The following RBFOX1 variants were observed in gnomAD, a reference collection of about 807,000 sequenced individuals.
RBFOX1 encodes the protein RNA binding fox-1 homolog 1, also known as RNA binding protein fox-1 homolog 1.
RBFOX1 carries 8 observed loss-of-function variants against 57.7 expected under a neutral mutation model. The observed-to-expected ratio is 0.14, with a 90% confidence interval of 0.08 to 0.25. The LOEUF is 0.25. Ranked by LOEUF, RBFOX1 falls within the 10% of genes least tolerant of loss-of-function variation. The pLI is 1.00. For synonymous variants in RBFOX1, 326 were observed against 222.4 expected, an observed-to-expected ratio of 1.47 and a Z score of -4.15; for missense variants, 611 against 548.5, an observed-to-expected ratio of 1.11 and a Z score of -1.14.
chr16:7,360,280 G>A (rs1442590485), intron 4 of RBFOX1, among the ~76,000 whole-genome samples: 1 of 152,064 alleles, frequency 6.6e-6, no homozygotes, highest in Non-Finnish European at 1.5e-5. Context: ...TCTTAGAATA[G>A]ACTCAAAATG....
chr16:7,662,352 A>G (rs2067980391), intron 12 of RBFOX1, among the ~76,000 whole-genome samples: 1 of 152,220 alleles, frequency 6.6e-6, no homozygotes. Flanking sequence ...CTCCATTGAC[A>G]ACAGCCACTG....
At chr16:6,515,170 C>T (rs563853440) in intron 2 of RBFOX1, among the ~76,000 whole-genome samples, 2 of 152,148 alleles carry the variant, frequency 1.3e-5, no homozygotes, top group African/African-American at 2.4e-5. Flanking sequence ...ATTTCATTTT[C>T]TCCTGTAATG....
chr16:6,426,751 G>A (rs532528520), intron 2 of RBFOX1, among the ~76,000 whole-genome samples: 21 of 152,182 alleles, frequency 1.4e-4, no homozygotes, highest in Admixed American at 2.6e-4. Context: ...TTTCAAAAGT[G>A]TCTCATCATC....
chr16:5,481,917 T>C (rs2069557706), intron 2 of RBFOX1, among the ~76,000 whole-genome samples: 1 of 152,158 alleles, frequency 6.6e-6, no homozygotes, highest in African/African-American at 2.4e-5. Context: ...CCTAATGACC[T>C]CATCTCACTT....
intron 7 of RBFOX1, among the ~76,000 whole-genome samples, chr16:7,593,165 T>C (rs899924208): frequency 3.3e-5 from 5 of 152,118 alleles, no homozygotes; most frequent in Non-Finnish European, 7.3e-5. Flanking sequence ...TGAGAGGTCA[T>C]GGAAATCAAA....
chr16:6,521,185 G>C (rs956421090), intron 2 of RBFOX1, among the ~76,000 whole-genome samples: 1 of 152,090 alleles, frequency 6.6e-6, no homozygotes, highest in Non-Finnish European at 1.5e-5. Flanking sequence ...ACCTAACAAT[G>C]GGTATTGCTT....
At chr16:6,445,291 A>T (rs2094461736) in intron 2 of RBFOX1, among the ~76,000 whole-genome samples, 1 of 152,080 alleles carries the variant, frequency 6.6e-6, no homozygotes, top group Admixed American at 6.6e-5. Flanking sequence ...CTCAACGTGC[A>T]GGTTTGTTAC....
chr16:5,905,215 G>T (rs1005683700), intron 4 of RBFOX1, among the ~76,000 whole-genome samples: 1 of 151,454 alleles, frequency 6.6e-6, no homozygotes, highest in African/African-American at 2.4e-5. Flanking sequence ...TTATAGGTGG[G>T]TGCCACCACA....
At position 6,676,410 on chromosome 16, in the gene RBFOX1, T is replaced by A. The variant is rs543079659; in HGVS notation, c.-16+21760T>A. On this transcript the variant is annotated intron_variant, in intron 3 of 15. Coordinates refer to ENST00000550418, the MANE Select transcript of RBFOX1 (RefSeq NM_018723.4). ...AGTTGGGTCCTAGCCCAAGGTCAAC[T>A]CTCAATAGTAAATAAAGGTGCCAGG... Among the ~76,000 whole-genome samples the A allele has an allele frequency of 2.6e-5, 4 of 151,984 alleles. No individual in the cohort carries two copies. In the East Asian group the frequency reaches 5.8e-4, roughly 22 times the overall value.
intron 4 of RBFOX1, among the ~76,000 whole-genome samples, chr16:7,335,499 T>A (rs1347645558): frequency 2.0e-5 from 3 of 150,762 alleles, no homozygotes; most frequent in African/African-American, 7.3e-5. Context: ...AGAGATTTTG[T>A]GGCAGAGTGC....
At chr16:5,398,404 T>A (rs1288867969) in intron 1 of RBFOX1, among the ~76,000 whole-genome samples, 1 of 152,030 alleles carries the variant, frequency 6.6e-6, no homozygotes, top group Non-Finnish European at 1.5e-5. Context: ...AGGGTGCATG[T>A]GTGTGATTGT....
intron 1 of RBFOX1, among the ~76,000 whole-genome samples, chr16:5,464,098 G>A (rs760618428): frequency 9.2e-5 from 14 of 152,210 alleles, no homozygotes; most frequent in South Asian, 2.1e-4. Context: ...CTGGGAGAAC[G>A]GGGATGCCTT....
At position 6,535,619 on chromosome 16, in the gene RBFOX1, A is replaced by C. The variant is rs7188838; in HGVS notation, c.-63-118984A>C. On this transcript the variant is annotated intron_variant, in intron 2 of 15. Transcript: ENST00000550418. The stretch of plus-strand genomic sequence containing the variant: ...ATTCAGTGAATGATTGAATGATTCA[A>C]TGAATGATCCCATCCATCAACCGTT... 7.8e-3 allele frequency among the ~76,000 whole-genome samples: 1,184 copies of C among 152,328 alleles called. 11 individuals are homozygous for C. The highest frequency in any genetic ancestry group is 0.027 in the African/African-American group (1,128 of 41,572).
intron 4 of RBFOX1, among the ~76,000 whole-genome samples, chr16:5,902,487 T>C (rs1567690819): frequency 3.9e-5 from 6 of 152,088 alleles, no homozygotes; most frequent in African/African-American, 1.4e-4. Context: ...CATCTTGGCT[T>C]ACTCTGCAGC....
Position 6,194,353 on chromosome 16 carries a change from C to G in RBFOX1, c.-126-122642C>G, listed in dbSNP as rs141143890. Among the ~76,000 whole-genome samples, 307 of 152,184 alleles carry G rather than the reference C, an allele frequency of 2.0e-3. 1 individual carries two copies. The highest frequency in any genetic ancestry group is 7.0e-3 in the African/African-American group (290 of 41,528). On this transcript the variant is annotated intron_variant, in intron 1 of 15. Transcript: ENST00000550418. ...ATTTCTTCTCTTTCCCCTTCAAATC[C>G]CTCATGCTTGAAAATAAAAATTTGG...
At chr16:5,743,872 G>T (rs929235464) in intron 3 of RBFOX1, among the ~76,000 whole-genome samples, 2 of 152,112 alleles carry the variant, frequency 1.3e-5, no homozygotes, top group African/African-American at 4.8e-5. Context: ...ACATAACACG[G>T]TATTGTTAAT....
intron 1 of RBFOX1, among the ~76,000 whole-genome samples, chr16:5,328,648 T>C (rs2064654939): frequency 6.6e-6 from 1 of 152,222 alleles, no homozygotes; most frequent in Non-Finnish European, 1.5e-5. Context: ...GAAGATCTAA[T>C]GAGATGCTCT....
chr16:7,349,315 C>T (rs747296219), intron 4 of RBFOX1, among the ~76,000 whole-genome samples: 5 of 152,272 alleles, frequency 3.3e-5, no homozygotes, highest in Non-Finnish European at 7.4e-5. Context: ...TCAAACCAAA[C>T]GCATGTCTAA....
chr16:7,310,329 C>A (rs1260409374), intron 4 of RBFOX1, among the ~76,000 whole-genome samples: 1 of 152,108 alleles, frequency 6.6e-6, no homozygotes, highest in African/African-American at 2.4e-5. Flanking sequence ...GGGAAAGAGG[C>A]TTTTCATGGT....
Sources: allele counts gnomAD v4.1 joint callset (sites outside exome capture counted in the v4.1 genomes callset), GRCh38; gene constraint gnomAD v4.1.1; transcripts MANE v1.5; gene names NCBI Gene and HGNC (gene_info 2026-07-23, HGNC 2026-07-21).